The following DLGAP2 variants were observed in gnomAD, a reference collection of about 807,000 sequenced individuals.
The protein encoded by DLGAP2 is DLG associated protein 2, also known as disks large-associated protein 2.
A neutral mutation model predicts 100.3 loss-of-function variants in DLGAP2; 26 were observed. The ratio of observed to expected loss-of-function variants is 0.26; its 90% confidence interval spans 0.19 to 0.36. The LOEUF is 0.36. DLGAP2 is among the 10% of genes least tolerant of loss of function. The pLI, the probability that DLGAP2 is intolerant of heterozygous loss-of-function variation, is 1.00. For missense variants in DLGAP2, 1,858 were observed against 1,453.2 expected, an observed-to-expected ratio of 1.28 and a Z score of -4.53; for synonymous variants, 886 against 630.1, an observed-to-expected ratio of 1.41 and a Z score of -6.08.
chr8:873,122 AC>A (rs1313623677), intron 1 of DLGAP2, among the ~76,000 whole-genome samples: 15 of 152,374 alleles, frequency 9.8e-5, no homozygotes, highest in South Asian at 6.2e-4. Flanking sequence ...TATTTATAAA[AC>A]TTAATATAGT....
chr8:1,130,833 G>A (rs985594953), intron 2 of DLGAP2, among the ~76,000 whole-genome samples: 1 of 140,498 alleles, frequency 7.1e-6, no homozygotes, highest in Non-Finnish European at 1.6e-5. Context: ...GACCGGAGAT[G>A]GGCCTCCCTG....
chr8:1,474,465 A>G (rs1371468691), intron 3 of DLGAP2, among the ~76,000 whole-genome samples: 2 of 152,216 alleles, frequency 1.3e-5, no homozygotes, highest in African/African-American at 4.8e-5. Context: ...ACTGTTTTCC[A>G]TAGTGGTTGT....
chr8:997,775 T>C (rs1300753513), intron 2 of DLGAP2, among the ~76,000 whole-genome samples: 1 of 152,186 alleles, frequency 6.6e-6, no homozygotes, highest in African/African-American at 2.4e-5. Context: ...TCTCGTGCAT[T>C]TTCTCCTCTA....
At chr8:1,226,562 G>A (rs1413635680) in intron 2 of DLGAP2, among the ~76,000 whole-genome samples, 1 of 152,100 alleles carries the variant, frequency 6.6e-6, no homozygotes, top group Non-Finnish European at 1.5e-5. Context: ...AACCACCATG[G>A]CACACATTTC....
intron 3 of DLGAP2, among the ~76,000 whole-genome samples, chr8:1,288,685 G>A (rs1269863794): frequency 1.3e-5 from 2 of 149,816 alleles, no homozygotes; most frequent in Non-Finnish European, 3.0e-5. Flanking sequence ...TTCAGTGTGT[G>A]TGTGTGTGTG....
At chr8:1,277,476 G>A (rs147584717) in intron 3 of DLGAP2, among the ~76,000 whole-genome samples, 12 of 152,266 alleles carry the variant, frequency 7.9e-5, no homozygotes, top group East Asian at 3.9e-4. Context: ...TCAAATGGGA[G>A]TGGCCAATTT....
At chr8:1,521,845 G>A (rs1179353506) in intron 4 of DLGAP2, among the ~76,000 whole-genome samples, 1 of 146,666 alleles carries the variant, frequency 6.8e-6, no homozygotes, top group African/African-American at 2.5e-5. Flanking sequence ...AATACTCGGG[G>A]GCAGGTGATT....
At chr8:968,545 C>T (rs1049415740) in intron 2 of DLGAP2, among the ~76,000 whole-genome samples, 1 of 152,198 alleles carries the variant, frequency 6.6e-6, no homozygotes, top group Non-Finnish European at 1.5e-5. Flanking sequence ...CTGTGGGGCT[C>T]CTGTTCCATA....
chr8:859,319 C>T (rs1797345269), intron 1 of DLGAP2, among the ~76,000 whole-genome samples: 1 of 152,146 alleles, frequency 6.6e-6, no homozygotes, highest in African/African-American at 2.4e-5. Flanking sequence ...ACCATGTTGG[C>T]CAGGCTGGTC....
rs180856107 is a variant in DLGAP2, at chr8:1,686,390, G to A, written c.2705-5145G>A. On this transcript the variant is annotated intron_variant, in intron 12 of 14. Coordinates refer to ENST00000637795, the MANE Select transcript of DLGAP2 (RefSeq NM_001346810.2). Reference sequence around the variant, plus strand: ...TCTCACTCTGATGTAGAGCTCAGGCGGGCGCAGTGGCTCATGCCTGTAATC... The same window carrying A: ...TCTCACTCTGATGTAGAGCTCAGGCAGGCGCAGTGGCTCATGCCTGTAATC... Among the ~76,000 whole-genome samples, 65 of 152,334 alleles carry A rather than the reference G, an allele frequency of 4.3e-4. 1 individual carries two copies. The highest frequency in any genetic ancestry group is 1.4e-3 in the Admixed American group (21 of 15,300).
At chr8:964,256 C>T (rs1435455647) in intron 2 of DLGAP2, among the ~76,000 whole-genome samples, 4 of 152,178 alleles carry the variant, frequency 2.6e-5, no homozygotes, top group African/African-American at 9.7e-5. Flanking sequence ...TAGGTGGACT[C>T]TCTGTTTATA....
At chr8:975,906 A>G (rs1800150781) in intron 2 of DLGAP2, among the ~76,000 whole-genome samples, 3 of 145,126 alleles carry the variant, frequency 2.1e-5, no homozygotes, top group Admixed American at 1.5e-4. Context: ...AGACGGGAGA[A>G]ATAAACCTAT....
intron 3 of DLGAP2, among the ~76,000 whole-genome samples, chr8:1,287,149 TGTGTGTGTGC>T (rs1563061890): frequency 7.9e-6 from 1 of 127,248 alleles, no homozygotes; most frequent in African/African-American, 2.9e-5. Flanking sequence ...TGTGTGTGTG[TGTGTGTGTGC>T]GCGCGCGCGC....
At chr8:778,113 T>C (rs1054255109) in intron 1 of DLGAP2, among the ~76,000 whole-genome samples, 83 of 152,312 alleles carry the variant, frequency 5.4e-4, no homozygotes, top group Non-Finnish European at 3.8e-4. Context: ...CCACCGCTGA[T>C]ACCCTTTCTT....
chr8:1,652,758 T>C (rs1798196080), intron 8 of DLGAP2, among the ~76,000 whole-genome samples: 1 of 152,202 alleles, frequency 6.6e-6, no homozygotes, highest in Admixed American at 6.5e-5. Context: ...AGATCTTTAT[T>C]TTAAAATAAA....
At chr8:1,392,860 C>T (rs1049389352) in intron 3 of DLGAP2, among the ~76,000 whole-genome samples, 11 of 145,542 alleles carry the variant, frequency 7.6e-5, no homozygotes, top group Admixed American at 2.7e-4. Context: ...TGGAATGGGG[C>T]GTGTGTCTTT....
At chr8:1,577,512 G>A (rs1336278847) in intron 6 of DLGAP2, among the ~76,000 whole-genome samples, 1 of 142,212 alleles carries the variant, frequency 7.0e-6, no homozygotes, top group Non-Finnish European at 1.5e-5. Context: ...AGGTTGCAGT[G>A]AGCCAAGATC....
rs915390416 is a variant in DLGAP2 at position 1,443,407 on chromosome 8, C to G, written c.107-57959C>G. On this transcript the variant is annotated intron_variant, in intron 3 of 14. Transcript: ENST00000637795. ...TTAATACTTCCAGCCTTCCCTCTAGCGGCTGTACATGGGTTTATTTCTGCC... is the reference window on the plus strand; with the variant it reads ...TTAATACTTCCAGCCTTCCCTCTAGGGGCTGTACATGGGTTTATTTCTGCC... Among the ~76,000 whole-genome samples the G allele has an allele frequency of 2.6e-5, 4 of 152,234 alleles. No homozygotes were observed. In the East Asian group the frequency reaches 7.7e-4, roughly 29 times the overall value.
Position 901,787 on chromosome 8 carries a change from C to A in DLGAP2, c.19-6125C>A, listed in dbSNP as rs146865311. On this transcript the variant is annotated intron_variant, in intron 1 of 14. Transcript: ENST00000637795. ...GTTCTCCTGACGCTTGAGCTTGAAC[C>A]CTCCCAGGCTCATCAACAAGCATCT... Among the ~76,000 whole-genome samples the A allele has an allele frequency of 2.9e-3, 439 of 152,320 alleles. 3 individuals are homozygous for A. The highest frequency in any genetic ancestry group is 0.01 in the African/African-American group (425 of 41,572).
Sources: allele counts gnomAD v4.1 joint callset (sites outside exome capture counted in the v4.1 genomes callset), GRCh38; gene constraint gnomAD v4.1.1; transcripts MANE v1.5; gene names NCBI Gene and HGNC (gene_info 2026-07-23, HGNC 2026-07-21).